Variants in RBBP6 observed in about 807,000 individuals in gnomAD.
The protein encoded by RBBP6 is RB binding protein 6, ubiquitin ligase, also known as E3 ubiquitin-protein ligase RBBP6.
RBBP6 carries 25 observed loss-of-function variants against 167.7 expected under a neutral mutation model. That is an observed-to-expected ratio of 0.15 (90% CI 0.11 to 0.21). RBBP6 has a LOEUF of 0.21. Among genes scored for constraint, RBBP6 ranks in the 10% least tolerant of loss-of-function variants. The pLI, the probability that RBBP6 is intolerant of heterozygous loss-of-function variation, is 1.00. For missense variants in RBBP6, 1,868 were observed against 2,134.2 expected (o/e 0.88, Z 2.46); for synonymous variants, 789 against 735.8 (o/e 1.07, Z -1.17).
intron 1 of RBBP6, among the ~76,000 whole-genome samples, chr16:24,543,292 CTT>C (rs200408370): frequency 0.027 from 3,359 of 126,012 alleles, 90 homozygotes; most frequent in African/African-American, 0.09. Flanking sequence ...TCCCTTAAAT[CTT>C]TTTTTTTTTT....
chr16:24,550,806 A>G (rs890484729), intron 3 of RBBP6, among the ~76,000 whole-genome samples: 3 of 151,684 alleles, frequency 2.0e-5, no homozygotes, highest in Non-Finnish European at 4.4e-5. Context: ...GAGATATTAG[A>G]TAACCTTGTT....
At position 24,571,412 on chromosome 16, in the gene RBBP6, A is replaced by G; in HGVS notation, c.4346A>G (p.Glu1449Gly). ...NFKSLSQSSK[E>G]ARTSDKHDST... Reference sequence around the variant, plus strand: ...AAAAGTCTGTCTCAATCTTCCAAAGAGGCTAGAACGTCAGATAAACATGAT... The same window carrying G: ...AAAAGTCTGTCTCAATCTTCCAAAGGGGCTAGAACGTCAGATAAACATGAT... Residue 1449 changes from glutamate (E) to glycine (G), a missense_variant, in exon 18 of 18, where the codon GAG becomes GGG. Physicochemically the swap from Glu to Gly is moderately conservative, Grantham distance 98 (BLOSUM62 -2). Transcript: ENST00000319715. 1 of 1,613,790 alleles carries G rather than the reference A, an allele frequency of 6.2e-7. No individual in the cohort carries two copies. The highest frequency in any genetic ancestry group is 8.5e-7 in the Non-Finnish European group (1 of 1,179,962).
At position 24,561,240 on chromosome 16, in the gene RBBP6, T is replaced by G. The variant is rs545865756; in HGVS notation, c.848-372T>G. ...TGAGAAAGAGTGCTTTTGCTCTCAA[T>G]TCAGACATTTGTTTAAAAAAAAAAA... On this transcript the variant is annotated intron_variant, in intron 8 of 17. Coordinates refer to ENST00000319715, the MANE Select transcript of RBBP6 (RefSeq NM_006910.5). Among the ~76,000 whole-genome samples the G allele has an allele frequency of 5.9e-5, 9 of 151,924 alleles. No homozygotes were observed. In the East Asian group the frequency reaches 1.5e-3, roughly 26 times the overall value.
At position 24,568,771 on chromosome 16, in the gene RBBP6, C is replaced by T. The variant is rs754328844; in HGVS notation, c.2081C>T (p.Ser694Leu). ...SRSKSPYSGS[S>L]YSRSSYTYSK... ...TCTAAATCTCCCTATAGTGGTTCTTCGTATTCAAGAAGTTCATATACTTAT... is the reference window on the plus strand; with the variant it reads ...TCTAAATCTCCCTATAGTGGTTCTTTGTATTCAAGAAGTTCATATACTTAT... Residue 694 changes from serine (S) to leucine (L), a missense_variant, in exon 17 of 18, where the codon TCG becomes TTG. Ser to Leu is a moderately radical substitution (Grantham distance 145). Transcript: ENST00000319715. 8.1e-6 allele frequency: 13 copies of T among 1,613,912 alleles called. No homozygotes were observed. The highest frequency in any genetic ancestry group is 2.2e-5 in the East Asian group (1 of 44,886).
rs569588759 is a variant in RBBP6 at position 24,567,679 on chromosome 16, G to A, written c.1953-113G>A. 3.2e-5 allele frequency: 41 copies of A among 1,264,088 alleles called. No homozygotes were observed. In the East Asian group the frequency reaches 8.2e-4, roughly 25 times the overall value. 78.3% of individuals were successfully genotyped at this position (1,264,088 alleles called of 1,614,324 possible). ...GGGATTCCTAGTTTATAGTTTTAAA[G>A]TGGAAAACTAATGGCAATTTCATTC... On this transcript the variant is annotated intron_variant, in intron 15 of 17. Coordinates refer to ENST00000319715, the MANE Select transcript of RBBP6 (RefSeq NM_006910.5).
At chr16:24,563,391 C>G in intron 11 of RBBP6, 32 bp from the exon 12 acceptor site, 9 of 1,086,096 alleles carry the variant, frequency 8.3e-6, no homozygotes, top group Non-Finnish European at 1.1e-5. Context: ...TTTTTTTTAA[C>G]TATTTCTGTT....
At chr16:24,567,655 G>T in intron 15 of RBBP6, 137 bp from the exon 16 acceptor site, 1 of 1,247,486 alleles carries the variant, frequency 8.0e-7, no homozygotes, top group Non-Finnish European at 1.1e-6. Flanking sequence ...AACTTCTCAG[G>T]GATTCCTAGT....
At chr16:24,561,761 T>A in intron 9 of RBBP6, 46 bp downstream of exon 9, 1 of 1,606,842 alleles carries the variant, frequency 6.2e-7, no homozygotes, top group Non-Finnish European at 8.5e-7. Context: ...TTTAACTGAT[T>A]TAACTGTACT....
At chr16:24,562,234 C>CT in intron 10 of RBBP6, 73 bp downstream of exon 10, 1 of 1,353,052 alleles carries the variant, frequency 7.4e-7, no homozygotes, top group Non-Finnish European at 1.0e-6. Flanking sequence ...TTGGTTATCA[C>CT]TTTTAACAGC....
intron 7 of RBBP6, 31 bp downstream of exon 7, chr16:24,556,478 A>C: frequency 3.8e-6 from 6 of 1,597,600 alleles, no homozygotes; most frequent in Non-Finnish European, 5.1e-6. Context: ...TGACCTGTGG[A>C]GACTCCAGTC....
In RBBP6 at chr16:24,571,771, C is replaced by G. The variant is rs191159591; in HGVS notation, c.4705C>G (p.Arg1569Gly). The change falls in exon 18 of 18, where the codon CGT becomes GGT. Residue 1569 changes from arginine (R) to glycine (G), a missense_variant. By Grantham distance (125) the Arg-to-Gly change is moderately radical (BLOSUM62 -2). Coordinates refer to ENST00000319715, the MANE Select transcript of RBBP6 (RefSeq NM_006910.5). ...KSVDKNPCKD[R>G]EKHVLEARNN... ...TGTAGATAAAAATCCTTGTAAGGAT[C>G]GTGAGAAGCATGTATTAGAAGCAAG... 6.2e-6 allele frequency: 10 copies of G among 1,613,722 alleles called. No individual in the cohort carries two copies. The highest frequency in any genetic ancestry group is 1.6e-4 in the Middle Eastern group (1 of 6,084).
chr16:24,566,614 G>A (rs901581077), intron 14 of RBBP6, among the ~76,000 whole-genome samples: 1 of 152,088 alleles, frequency 6.6e-6, no homozygotes, highest in Non-Finnish European at 1.5e-5. Flanking sequence ...GGTGGCACAC[G>A]TCTCTAGTCC....
At position 24,571,509 on chromosome 16, in the gene RBBP6, G is replaced by A; in HGVS notation, c.4443G>A (p.Glu1481=). The A allele has an allele frequency of 6.2e-7, 1 of 1,613,420 alleles. No homozygotes were observed. The highest frequency in any genetic ancestry group is 8.5e-7 in the Non-Finnish European group (1 of 1,179,856). ...AAAAAACTGACTATGACACCAGAGA[G>A]TATTCAAGTTCCAAACGTAGAGATG... ...RDKKTDYDTR[E]YSSSKRRDEK... Residue 1481 remains glutamate, a synonymous_variant, in exon 18 of 18, where the codon GAG becomes GAA. Coordinates refer to ENST00000319715, the MANE Select transcript of RBBP6 (RefSeq NM_006910.5).
At chr16:24,548,485 G>A (rs1316114246) in intron 2 of RBBP6, among the ~76,000 whole-genome samples, 2 of 152,098 alleles carry the variant, frequency 1.3e-5, no homozygotes, top group Admixed American at 6.5e-5. Flanking sequence ...TGGCCCTCCA[G>A]ATTTGAAAAT....
rs558586381 is a variant in RBBP6, at chr16:24,552,233, A to T, written c.304-1280A>T. Among the ~76,000 whole-genome samples the T allele has an allele frequency of 5.3e-5, 8 of 151,924 alleles. No homozygotes were observed. In the South Asian group the frequency reaches 1.7e-3, roughly 31 times the overall value. On this transcript the variant is annotated intron_variant, in intron 3 of 17. Transcript: ENST00000319715. ...TTATATTTAGCCAACATTATTTTTT[A>T]TTTACATTTATTGAATCCCTACTGT...
At chr16:24,568,504 T>A (rs1253237524) in intron 16 of RBBP6, among the ~76,000 whole-genome samples, 1 of 152,252 alleles carries the variant, frequency 6.6e-6, no homozygotes, top group Non-Finnish European at 1.5e-5. Flanking sequence ...TAACTCACGG[T>A]ACATTAATGC....
At position 24,571,221 on chromosome 16, in the gene RBBP6, A is replaced by G. The variant is rs779589665; in HGVS notation, c.4155A>G (p.Ile1385Met). Residue 1385 changes from isoleucine to methionine, a missense_variant, in exon 18 of 18, where the codon ATA becomes ATG. Transcript: ENST00000319715. ...KFTKDVSHEIIQHEVKSSKNS... is the reference protein window; with the variant it reads ...KFTKDVSHEIMQHEVKSSKNS... ...CCAAGGACGTGAGCCATGAAATCAT[A>G]CAACATGAGGTTAAAAGTTCAAAAA... 6.2e-7 allele frequency: 1 copy of G among 1,613,692 alleles called. No homozygotes were observed. The highest frequency in any genetic ancestry group is 1.3e-5 in the African/African-American group (1 of 74,976).
Position 24,570,445 on chromosome 16 carries a change from G to A in RBBP6, c.3755G>A (p.Arg1252Lys). 6.2e-7 allele frequency: 1 copy of A among 1,603,864 alleles called. No homozygotes were observed. Among genetic ancestry groups the A allele is most frequent in the Middle Eastern group, 1.7e-4 (1 of 5,992 alleles). The change falls in exon 17 of 18, where the codon AGA becomes AAA. Residue 1252 changes from arginine (R) to lysine (K), a missense_variant. Physicochemically the swap from Arg to Lys is conservative, Grantham distance 26 (BLOSUM62 2). Around this residue, in one of 7 missense-constraint regions of RBBP6, gnomAD observed 673 missense variants for 691.5 expected, o/e 0.97. Coordinates refer to ENST00000319715, the MANE Select transcript of RBBP6 (RefSeq NM_006910.5). ...VKQEKVKGKV[R>K]RKVTGTEGSS... is the part of the protein sequence containing the mutation. Reference sequence around the variant, plus strand: ...CAAGAAAAAGTCAAAGGAAAGGTCAGACGAAAAGTGACTGGAACTGAAGGA... The same window carrying A: ...CAAGAAAAAGTCAAAGGAAAGGTCAAACGAAAAGTGACTGGAACTGAAGGA...
At chr16:24,547,033 G>C (rs1898673029) in intron 2 of RBBP6, among the ~76,000 whole-genome samples, 1 of 152,174 alleles carries the variant, frequency 6.6e-6, no homozygotes, top group Non-Finnish European at 1.5e-5. Context: ...AGTGATAGCA[G>C]AACTATAATA....
Sources: gnomAD v4.1 joint callset for allele counts (sites outside exome capture counted in the v4.1 genomes callset) on GRCh38, gnomAD v4.1.1 for gene constraint, gnomAD v4.1.1 regional missense constraint, MANE v1.5 for transcripts, NCBI Gene and HGNC (gene_info 2026-07-23, HGNC 2026-07-21) for gene names.